BAZ2B: variants seen among roughly 807,000 people sequenced by gnomAD.
The protein encoded by BAZ2B is bromodomain adjacent to zinc finger domain protein 2B.
BAZ2B carries 91 observed loss-of-function variants against 246.0 expected under a neutral mutation model. The ratio of observed to expected loss-of-function variants is 0.37; its 90% CI spans 0.31 to 0.44. The LOEUF (loss-of-function observed/expected upper bound fraction) is 0.44, where lower values mean the gene tolerates loss of function less well. Among genes scored for constraint, BAZ2B ranks in the 20% least tolerant of loss-of-function variants. The pLI, the probability that BAZ2B is intolerant of heterozygous loss-of-function variation, is 1.00. For synonymous variants in BAZ2B, 855 were observed against 860.0 expected, an observed-to-expected ratio of 0.99 and a Z score of 0.10; for missense variants, 2,332 against 2,533.7, an observed-to-expected ratio of 0.92 and a Z score of 1.71.
chr2:159,670,372 C>T, the BAZ2B span, among the ~76,000 whole-genome samples: 1 of 152,120 alleles, frequency 6.6e-6, no homozygotes, highest in African/African-American at 2.4e-5. Flanking sequence ...TTATTTTTAG[C>T]GATTTCTGTA....
intron 34 of BAZ2B, among the ~76,000 whole-genome samples, chr2:159,327,192 C>T (rs558099307): frequency 5.1e-4 from 77 of 152,126 alleles, no homozygotes; most frequent in Admixed American, 9.8e-4. Flanking sequence ...GCTGGGGCTA[C>T]GAGTGTGAGC....
intron 1 of BAZ2B, among the ~76,000 whole-genome samples, chr2:159,614,041 CAAAG>C (rs1438159986): frequency 6.6e-6 from 1 of 152,036 alleles, no homozygotes; most frequent in Non-Finnish European, 1.5e-5. Context: ...ACCCAGAAGA[CAAAG>C]AGAATGCAAA....
intron 27 of BAZ2B, among the ~76,000 whole-genome samples, chr2:159,370,696 C>CA (rs1488303617): frequency 7.9e-5 from 12 of 151,630 alleles, no homozygotes; most frequent in African/African-American, 2.9e-4. Context: ...CTAAATGACC[C>CA]ATACTTTTGT....
intron 13 of BAZ2B, among the ~76,000 whole-genome samples, chr2:159,415,661 A>G (rs1213587036): frequency 6.6e-6 from 1 of 152,130 alleles, no homozygotes; most frequent in Non-Finnish European, 1.5e-5. Flanking sequence ...TTTCTCTAAA[A>G]ATATCCTCAA....
intron 25 of BAZ2B, among the ~76,000 whole-genome samples, chr2:159,375,992 TGTAA>T (rs1225806427): frequency 6.6e-6 from 1 of 152,194 alleles, no homozygotes; most frequent in African/African-American, 2.4e-5. Flanking sequence ...ATAGAAGGTT[TGTAA>T]GTAATTGTGT....
chr2:159,642,238 C>CTTTTTTTT, the BAZ2B span, among the ~76,000 whole-genome samples: 6 of 131,720 alleles, frequency 4.6e-5, no homozygotes, highest in Admixed American at 8.0e-5. Flanking sequence ...TTCTTTCTTT[C>CTTTTTTTT]TTTTTTTTTT....
In BAZ2B at chr2:159,421,693, C is replaced by A. The variant is rs188207831; in HGVS notation, c.2466+6248G>T. Among the ~76,000 whole-genome samples, 4 of 152,090 alleles carry A rather than the reference C, an allele frequency of 2.6e-5. No individual in the cohort carries two copies. The East Asian group carries it at 7.7e-4, about 29-fold the overall frequency. On this transcript the variant is annotated intron_variant, in intron 13 of 36. Coordinates refer to ENST00000392783, the MANE Select transcript of BAZ2B (RefSeq NM_013450.4). ...TTAATAAATACATATATAATCATAT[C>A]TTAAGCCCAGAAATATCTTGAATCA...
chr2:159,347,380 C>A (rs1015306284), intron 31 of BAZ2B, 106 bp downstream of exon 31: 1 of 1,294,734 alleles, frequency 7.7e-7, no homozygotes, highest in Non-Finnish European at 1.1e-6. Context: ...TTAAATGAGA[C>A]AAAATAAAAA....
chr2:159,354,234 T>C (rs1399990920), intron 27 of BAZ2B, among the ~76,000 whole-genome samples: 8 of 152,186 alleles, frequency 5.3e-5, no homozygotes, highest in Non-Finnish European at 1.2e-4. Context: ...AGTTTGAGAC[T>C]AGAAGATGAC....
chr2:159,474,462 G>A (rs911970375), intron 3 of BAZ2B, among the ~76,000 whole-genome samples: 1 of 152,144 alleles, frequency 6.6e-6, no homozygotes, highest in South Asian at 2.1e-4. Context: ...TTGCCCATGA[G>A]ATGGGGCTCC....
downstream of BAZ2B, among the ~76,000 whole-genome samples, chr2:159,317,167 T>G (rs906153057): frequency 9.2e-5 from 14 of 152,190 alleles, no homozygotes; most frequent in Admixed American, 8.5e-4. Context: ...AAAGTACAAT[T>G]AGGAATAAAT....
intron 27 of BAZ2B, among the ~76,000 whole-genome samples, chr2:159,368,098 T>C (rs2060420186): frequency 6.6e-6 from 1 of 152,218 alleles, no homozygotes; most frequent in African/African-American, 2.4e-5. Flanking sequence ...AATTAGATTG[T>C]GAGCTTTTTG....
intron 2 of BAZ2B, among the ~76,000 whole-genome samples, chr2:159,541,986 T>C (rs188669127): frequency 6.6e-5 from 10 of 152,206 alleles, no homozygotes; most frequent in Admixed American, 5.9e-4. Flanking sequence ...ACAGAAATTT[T>C]AAAAAGGAAC....
chr2:159,555,917 T>A (rs2089047070), intron 1 of BAZ2B, 52 bp from the exon 2 acceptor site: 1 of 152,172 alleles, frequency 6.6e-6, no homozygotes, highest in Non-Finnish European at 1.5e-5. Flanking sequence ...CTTAAGAAAT[T>A]TCAGAAACTA....
intron 16 of BAZ2B, 75 bp from the exon 17 acceptor site, chr2:159,400,739 T>C (rs2064867472): frequency 5.5e-6 from 5 of 914,836 alleles, no homozygotes; most frequent in South Asian, 4.4e-5. Context: ...TGGAATCAAA[T>C]AATTAAAAAT....
chr2:159,423,296 A>G (rs2150073946), intron 13 of BAZ2B, among the ~76,000 whole-genome samples: 1 of 126,550 alleles, frequency 7.9e-6, no homozygotes, highest in East Asian at 2.2e-4. Context: ...AGCCTGGGTG[A>G]CAGAGCAAGA....
the BAZ2B span, among the ~76,000 whole-genome samples, chr2:159,705,449 G>C: frequency 6.6e-6 from 1 of 152,228 alleles, no homozygotes; most frequent in African/African-American, 2.4e-5. Context: ...TTATAGTTCT[G>C]AATAGTTTAG....
rs1019655672 is a variant in BAZ2B at position 159,516,811 on chromosome 2, C to T, written c.-2-38090G>A. On this transcript the variant is annotated intron_variant, in intron 2 of 36. Transcript: ENST00000392783. ...ACAATAAAGAGAAGAGGTCTTTCTT[C>T]CTTTTTAAAGAAGGGTTTACTCCTC... Among the ~76,000 whole-genome samples, 3 of 152,148 alleles carry T rather than the reference C, an allele frequency of 2.0e-5. No individual in the cohort carries two copies. In the South Asian group the frequency reaches 6.2e-4, roughly 32 times the overall value.
chr2:159,620,539 G>A (rs767312923), upstream of BAZ2B, among the ~76,000 whole-genome samples: 1 of 152,150 alleles, frequency 6.6e-6, no homozygotes, highest in Non-Finnish European at 1.5e-5. Flanking sequence ...TTCTCACTGA[G>A]AGACTAGAAA....
Sources: allele counts gnomAD v4.1 joint callset (sites outside exome capture counted in the v4.1 genomes callset), GRCh38; gene constraint gnomAD v4.1.1; transcripts MANE v1.5; gene names NCBI Gene and HGNC (gene_info 2026-07-23, HGNC 2026-07-21).